Variants in HERC3 observed in about 807,000 individuals in gnomAD.
The protein encoded by HERC3 is probable E3 ubiquitin-protein ligase HERC3.
A neutral mutation model predicts 129.9 loss-of-function variants in HERC3; 58 were observed. The ratio of observed to expected loss-of-function variants is 0.45; its 90% confidence interval spans 0.36 to 0.56. HERC3 has a LOEUF of 0.56. HERC3 is among the 20% of genes least tolerant of loss of function. HERC3 has a pLI of 0.00. For synonymous variants in HERC3, 430 were observed against 451.0 expected (o/e 0.95, Z 0.59); for missense variants, 835 against 1,244.2 (o/e 0.67, Z 4.95).
chr4:88,654,237 G>C, intron 7 of HERC3, 104 bp downstream of exon 7: 4 of 715,676 alleles, frequency 5.6e-6, no homozygotes, highest in Middle Eastern at 2.4e-4. Flanking sequence ...CAGTATTGTG[G>C]CTTGAACTTG....
the HERC3 span, among the ~76,000 whole-genome samples, chr4:88,544,311 T>G: frequency 6.6e-6 from 1 of 152,020 alleles, no homozygotes; most frequent in Non-Finnish European, 1.5e-5. Context: ...CCAATAAACA[T>G]GAAAAAAAGC....
chr4:88,558,468 A>G, the HERC3 span, among the ~76,000 whole-genome samples: 7 of 152,320 alleles, frequency 4.6e-5, no homozygotes, highest in African/African-American at 1.4e-4. Context: ...CAAAGGCATG[A>G]GAATGACATA....
At chr4:88,672,709 T>C (rs1215420102) in intron 16 of HERC3, among the ~76,000 whole-genome samples, 2 of 152,254 alleles carry the variant, frequency 1.3e-5, no homozygotes, top group Admixed American at 1.3e-4. Context: ...CTAATTTCTA[T>C]AGGCCCAGCA....
chr4:88,625,623 A>G (rs1229037734), intron 3 of HERC3, among the ~76,000 whole-genome samples: 1 of 151,982 alleles, frequency 6.6e-6, no homozygotes, highest in Non-Finnish European at 1.5e-5. Flanking sequence ...TGTGCCTATT[A>G]TTTCATTTTC....
intron 11 of HERC3, among the ~76,000 whole-genome samples, chr4:88,663,488 A>C (rs755849108): frequency 9.9e-5 from 15 of 152,174 alleles, no homozygotes; most frequent in Non-Finnish European, 2.1e-4. Flanking sequence ...GGAAGACATG[A>C]TCTTTAAAGA....
the HERC3 span, among the ~76,000 whole-genome samples, chr4:88,577,157 G>T: frequency 1.6e-4 from 24 of 152,256 alleles, no homozygotes; most frequent in African/African-American, 5.5e-4. Flanking sequence ...CTAAGTTGTG[G>T]ATTTGAGCTA....
Position 88,655,956 on chromosome 4 carries a change from G to T in HERC3, c.990G>T (p.Gly330=). ...GCGARGQLGT[G]HTCNVKCPSP... ...GAGCAAGAGGTCAATTAGGAACTGGGCACACTTGTAATGTTAAGTGCCCAT... is the reference window on the plus strand; with the variant it reads ...GAGCAAGAGGTCAATTAGGAACTGGTCACACTTGTAATGTTAAGTGCCCAT... Residue 330 remains glycine, a synonymous_variant, in exon 9 of 26, where the codon GGG becomes GGT. Coordinates refer to ENST00000402738, the MANE Select transcript of HERC3 (RefSeq NM_014606.3). 6.2e-7 allele frequency: 1 copy of T among 1,614,060 alleles called. No homozygotes were observed. Among genetic ancestry groups the T allele is most frequent in the African/African-American group, 1.3e-5 (1 of 75,032 alleles).
chr4:88,567,201 T>G, the HERC3 span, among the ~76,000 whole-genome samples: 133 of 152,300 alleles, frequency 8.7e-4, 1 homozygote, highest in African/African-American at 3.1e-3. Context: ...TTCATTTCCC[T>G]TGCTGCTTTT....
the HERC3 span, among the ~76,000 whole-genome samples, chr4:88,584,404 C>T: frequency 9.2e-5 from 14 of 152,256 alleles, no homozygotes; most frequent in African/African-American, 2.6e-4. Context: ...CCGGGGTGCA[C>T]GTTCCATTCC....
At position 88,687,312 on chromosome 4, in the gene HERC3, CT is replaced by C. The variant is rs1475514971; in HGVS notation, c.2657+15del. 1.7e-5 allele frequency: 27 copies of C among 1,562,262 alleles called. No individual in the cohort carries two copies. The highest frequency in any genetic ancestry group is 2.3e-5 in the Non-Finnish European group (26 of 1,141,330). On this transcript the variant is annotated intron_variant, in intron 23 of 25. Transcript: ENST00000402738. ...GCAAGGATAACAGGTTAGTCCTGAC[CT>C]TGGACTGTTGCAGATACTGCTACTT... is the stretch of plus-strand genomic sequence containing the variant.
At chr4:88,601,755 A>G (rs1722986434) in intron 2 of HERC3, among the ~76,000 whole-genome samples, 1 of 152,124 alleles carries the variant, frequency 6.6e-6, no homozygotes, top group African/African-American at 2.4e-5. Context: ...AAGAAGTATG[A>G]TTAGAAAAGG....
chr4:88,631,284 G>A (rs1726722650), intron 3 of HERC3, among the ~76,000 whole-genome samples: 1 of 151,920 alleles, frequency 6.6e-6, no homozygotes, highest in Admixed American at 6.6e-5. Context: ...GTGAAACCCC[G>A]CCTGTACTAA....
rs544416216 is a variant in HERC3 at position 88,654,218 on chromosome 4, G to A, written c.777+85G>A. On this transcript the variant is annotated intron_variant, in intron 7 of 25. Coordinates refer to ENST00000402738, the MANE Select transcript of HERC3 (RefSeq NM_014606.3). The stretch of plus-strand genomic sequence containing the variant: ...TTGATTATGTTAGTGTAGTGATGGT[G>A]TGTGATTACAGTATTGTGGCTTGAA... 6.4e-5 allele frequency: 58 copies of A among 909,568 alleles called. No individual in the cohort carries two copies. In the African/African-American group the frequency reaches 8.6e-4, roughly 13 times the overall value. The allele number at this position is 909,568 out of a possible 1,614,324, so 56.3% of individuals were successfully genotyped here.
chr4:88,527,514 G>T, the HERC3 span: 15 of 176,346 alleles, frequency 8.5e-5, no homozygotes, highest in Middle Eastern at 2.1e-3. Context: ...TCCCGCCTCA[G>T]CCTCCCAAAG....
rs1735858907 is a variant in HERC3, at chr4:88,707,245, G to A, written c.*285G>A. 2.6e-6 allele frequency: 1 copy of A among 382,328 alleles called. No homozygotes were observed. 23.7% of individuals were successfully genotyped at this position (382,328 alleles called of 1,614,324 possible). A position where few individuals can be genotyped will look rare whatever the true frequency, so the allele number is the denominator to read the frequency against. The stretch of plus-strand genomic sequence containing the variant: ...TATTCCTTGCACTTGTGAATGTGTT[G>A]CACTCTGCTGGATGAAATGGCAGTG... On this transcript the variant is annotated 3_prime_UTR_variant, in exon 26 of 26. Transcript: ENST00000402738.
At chr4:88,574,671 A>G in the HERC3 span, among the ~76,000 whole-genome samples, 3 of 152,204 alleles carry the variant, frequency 2.0e-5, no homozygotes, top group East Asian at 3.8e-4. Flanking sequence ...GAATCATACA[A>G]TATTTATCTT....
At chr4:88,642,449 T>C (rs1728223211) in intron 3 of HERC3, among the ~76,000 whole-genome samples, 1 of 152,254 alleles carries the variant, frequency 6.6e-6, no homozygotes, top group Non-Finnish European at 1.5e-5. Flanking sequence ...CAAACAGTGT[T>C]GGAAGATTGC....
chr4:88,667,853 G>A (rs1465815020), intron 13 of HERC3, 39 bp from the exon 14 acceptor site: 4 of 1,433,848 alleles, frequency 2.8e-6, no homozygotes, highest in Non-Finnish European at 3.9e-6. Flanking sequence ...TAGATCTCAA[G>A]TATGTTTGAA....
intron 3 of HERC3, among the ~76,000 whole-genome samples, chr4:88,636,753 C>A (rs1319424444): frequency 6.6e-6 from 1 of 152,178 alleles, no homozygotes; most frequent in Non-Finnish European, 1.5e-5. Context: ...TAAAACACAC[C>A]TCAGCAAATG....
Sources: allele counts gnomAD v4.1 joint callset (sites outside exome capture counted in the v4.1 genomes callset), GRCh38; gene constraint gnomAD v4.1.1; transcripts MANE v1.5; gene names NCBI Gene and HGNC (gene_info 2026-07-23, HGNC 2026-07-21).